The following COL6A3 variants were observed in gnomAD, a reference collection of about 807,000 sequenced individuals.
The protein encoded by COL6A3 is collagen alpha-3(VI) chain.
In COL6A3, 137 loss-of-function variants were observed where a neutral mutation model predicts 274.1. That is an observed-to-expected ratio of 0.50 (90% CI 0.44 to 0.58). The LOEUF (loss-of-function observed/expected upper bound fraction) is 0.58. COL6A3 is among the 20% of genes least tolerant of loss of function. The pLI is 0.00. For missense variants in COL6A3, 3,950 were observed against 4,124.9 expected (o/e 0.96, Z 1.16); for synonymous variants, 1,650 against 1,650.6 (o/e 1.00, Z 0.01).
At position 237,395,014 on chromosome 2, in the gene COL6A3, A is replaced by C. The variant is rs2106388545; in HGVS notation, c.282T>G (p.Asn94Lys). The change falls in exon 3 of 44, where the codon AAT becomes AAG. Residue 94 changes from asparagine to lysine, a missense_variant. Coordinates refer to ENST00000295550, the MANE Select transcript of COL6A3 (RefSeq NM_004369.4). ...NGNPHTEFLL[N>K]TYRTKQEVLS... Reference sequence around the variant, plus strand: ...GGACTTCTTGTTTAGTACGATACGTATTTAACAGGAACTCGGTATGTGGGT... The same window carrying C: ...GGACTTCTTGTTTAGTACGATACGTCTTTAACAGGAACTCGGTATGTGGGT... The C allele has an allele frequency of 6.2e-7, 1 of 1,614,190 alleles. No individual in the cohort carries two copies. The highest frequency in any genetic ancestry group is 2.2e-5 in the East Asian group (1 of 44,884).
chr2:237,369,058 C>T lies in COL6A3; in HGVS notation c.4405G>A (p.Gly1469Ser), dbSNP rs771199614. 4 of 1,614,150 alleles carry T rather than the reference C, an allele frequency of 2.5e-6. No homozygotes were observed. The highest frequency in any genetic ancestry group is 2.5e-6 in the Non-Finnish European group (3 of 1,180,022). Residue 1469 changes from glycine (G) to serine (S), a missense_variant, in exon 10 of 44, where the codon GGC becomes AGC. Coordinates refer to ENST00000295550, the MANE Select transcript of COL6A3 (RefSeq NM_004369.4). ...VSRIVRRLNI[G>S]PSKVRVGVVQ... is the part of the protein sequence containing the mutation. ...ACCCCAACTCTCACTTTACTGGGGCCGATGTTGAGTCTTCGAACAATCCTG... is the reference window on the plus strand; with the variant it reads ...ACCCCAACTCTCACTTTACTGGGGCTGATGTTGAGTCTTCGAACAATCCTG...
chr2:237,409,830 C>T (rs950078698), intron 1 of COL6A3, among the ~76,000 whole-genome samples: 10 of 152,120 alleles, frequency 6.6e-5, no homozygotes, highest in Admixed American at 6.5e-4. Context: ...ATATGCAAAC[C>T]TACTTTGGTT....
At position 237,371,942 on chromosome 2, in the gene COL6A3, G is replaced by T. The variant is rs2077700902; in HGVS notation, c.4075C>A (p.Leu1359Ile). The change falls in exon 9 of 44, where the codon CTC becomes ATC. Residue 1359 changes from leucine to isoleucine, a missense_variant. Leu to Ile is a conservative substitution (Grantham distance 5, BLOSUM62 2). This residue lies in a region of COL6A3 where 1,934 missense variants were observed against 1,984.3 expected (regional missense o/e 0.97). Coordinates refer to ENST00000295550, the MANE Select transcript of COL6A3 (RefSeq NM_004369.4). This position sits in a 1 kb window ranked among gnomAD's most constrained non-coding sequence, Gnocchi z 4.3. ...DDEVDDPAVE[L>I]KQFGVAPFTI... ...AAAGGGGCCACGCCAAACTGCTTGA[G>T]CTCCACCGCCGGGTCGTCCACCTCA... 4.3e-6 allele frequency: 7 copies of T among 1,614,056 alleles called. No individual in the cohort carries two copies. The highest frequency in any genetic ancestry group is 5.9e-6 in the Non-Finnish European group (7 of 1,180,030).
At position 237,381,333 on chromosome 2, in the gene COL6A3, C is replaced by T. The variant is rs762089767; in HGVS notation, c.1479G>A (p.Val493=). The change falls in exon 5 of 44, where the codon GTG becomes GTA. Residue 493 remains valine (V), a synonymous_variant. Coordinates refer to ENST00000295550, the MANE Select transcript of COL6A3 (RefSeq NM_004369.4). The stretch of plus-strand genomic sequence containing the variant: ...GGGTATTGAAATAAAATTCAGGCCT[C>T]ACAGTGTCTGCATACTGGGCCACTG... The part of the protein sequence containing the change: ...QVAVAQYADT[V]RPEFYFNTHP... 1.2e-6 allele frequency: 2 copies of T among 1,614,228 alleles called. No homozygotes were observed. Among genetic ancestry groups the T allele is most frequent in the Admixed American group, 1.7e-5 (1 of 60,032 alleles).
At chr2:237,397,231 A>AGAAGTGAAGGAAGG (rs1449721525) in intron 1 of COL6A3, among the ~76,000 whole-genome samples, 9 of 146,150 alleles carry the variant, frequency 6.2e-5, no homozygotes, top group Non-Finnish European at 1.1e-4. Flanking sequence ...GAAGGAAGGA[A>AGAAGTGAAGGAAGG]GAAGTGAAGG....
chr2:237,395,327 T>A, intron 2 of COL6A3, 123 bp from the exon 3 acceptor site: 1 of 998,512 alleles, frequency 1.0e-6, no homozygotes, highest in Non-Finnish European at 1.5e-6. Context: ...CACACCTCAC[T>A]GATAATACAG....
In COL6A3 at chr2:237,361,247, C is replaced by G. The variant is rs1031923214; in HGVS notation, c.6157-73G>C. 7.9e-6 allele frequency: 11 copies of G among 1,396,814 alleles called. No individual in the cohort carries two copies. The allele number at this position is 1,396,814 out of a possible 1,614,324, so 86.5% of individuals were successfully genotyped here. On this transcript the variant is annotated intron_variant, in intron 15 of 43. Transcript: ENST00000295550. This position sits in a 1 kb window ranked among gnomAD's most constrained non-coding sequence, Gnocchi z 5.1. ...GCTCTACAGTAAGAATCCCTGTGGT[C>G]CCCCTTCATTTGGCAGAGCAGCACT...
rs553226702 is a variant in COL6A3 at position 237,384,297 on chromosome 2, A to T, written c.1313-2798T>A. Reference sequence around the variant, plus strand: ...CCACTTGACATAAATATCAACCCAAACACAGCTGTCTTATCTCTTTAATGT... The same window carrying T: ...CCACTTGACATAAATATCAACCCAATCACAGCTGTCTTATCTCTTTAATGT... On this transcript the variant is annotated intron_variant, in intron 4 of 43. Coordinates refer to ENST00000295550, the MANE Select transcript of COL6A3 (RefSeq NM_004369.4). Among the ~76,000 whole-genome samples, 10 of 152,152 alleles carry T rather than the reference A, an allele frequency of 6.6e-5. No homozygotes were observed. The East Asian group carries it at 1.9e-3, about 29-fold the overall frequency.
rs1445007176 is a variant in COL6A3 at position 237,361,951 on chromosome 2, C to T, written c.6064-120G>A. On this transcript the variant is annotated intron_variant, in intron 14 of 43. Coordinates refer to ENST00000295550, the MANE Select transcript of COL6A3 (RefSeq NM_004369.4). The surrounding 1 kb of genome is among the most constrained non-coding windows in gnomAD (Gnocchi z 5.1). ...GGGTTTCACGGTGTGAGATGAAGTC[C>T]CTCCAGGTGACATTTGCTGGACGAC... 3.4e-6 allele frequency: 3 copies of T among 875,790 alleles called. No individual in the cohort carries two copies. Among genetic ancestry groups the T allele is most frequent in the Admixed American group, 1.9e-5 (1 of 51,642 alleles). The allele number at this position is 875,790 out of a possible 1,614,324, so 54.3% of individuals were successfully genotyped here. A position where few individuals can be genotyped will look rare whatever the true frequency, so the allele number is the denominator to read the frequency against.
intron 17 of COL6A3, among the ~76,000 whole-genome samples, chr2:237,359,792 G>C (rs1440597849): frequency 2.0e-5 from 3 of 152,170 alleles, no homozygotes; most frequent in Non-Finnish European, 4.4e-5. Flanking sequence ...TCCAGGGCCG[G>C]GGCCGTGGGC....
chr2:237,328,402 C>G (rs557026628), intron 42 of COL6A3: 1 of 152,144 alleles, frequency 6.6e-6, no homozygotes, highest in Non-Finnish European at 1.5e-5. Context: ...CGCAAGGCAC[C>G]CTAAGCCCCA....
rs2077679055 is a variant in COL6A3, at chr2:237,371,268, G to A, written c.4285+464C>T. Among the ~76,000 whole-genome samples, 1 of 152,148 alleles carries A rather than the reference G, an allele frequency of 6.6e-6. No homozygotes were observed. Among genetic ancestry groups the A allele is most frequent in the African/African-American group, 2.4e-5 (1 of 41,420 alleles). ...AATAGACCCAACTTGTTCAGTCGCA[G>A]GTGTGTCCTGGTGGGGTCTGGCTGG... On this transcript the variant is annotated intron_variant, in intron 9 of 43. Coordinates refer to ENST00000295550, the MANE Select transcript of COL6A3 (RefSeq NM_004369.4). The surrounding 1 kb of genome is among the most constrained non-coding windows in gnomAD (Gnocchi z 4.3).
intron 14 of COL6A3, among the ~76,000 whole-genome samples, chr2:237,362,544 C>T (rs1419886448): frequency 6.6e-6 from 1 of 152,226 alleles, no homozygotes; most frequent in Non-Finnish European, 1.5e-5. Flanking sequence ...GATTTGTGAG[C>T]TAACTCAACC....
At chr2:237,340,066 C>T (rs2076951712) in intron 38 of COL6A3, among the ~76,000 whole-genome samples, 1 of 152,208 alleles carries the variant, frequency 6.6e-6, no homozygotes, top group African/African-American at 2.4e-5. Flanking sequence ...TTTCTAGAAG[C>T]TTTCCCCGGT....
chr2:237,345,381 A>T (rs1574949945), intron 32 of COL6A3, among the ~76,000 whole-genome samples, 168 bp from the exon 33 acceptor site: 1 of 152,328 alleles, frequency 6.6e-6, no homozygotes, highest in East Asian at 1.9e-4. Flanking sequence ...AAAGCAAAAA[A>T]GAGAAGATTC....
chr2:237,394,451 T>C, intron 3 of COL6A3, 136 bp downstream of exon 3: 1 of 1,089,800 alleles, frequency 9.2e-7, no homozygotes, highest in Non-Finnish European at 1.4e-6. Context: ...AATCAAACCT[T>C]TGTTTTTAAA....
chr2:237,334,567 G>C, intron 41 of COL6A3, 59 bp downstream of exon 41: 1 of 1,561,550 alleles, frequency 6.4e-7, no homozygotes, highest in Non-Finnish European at 8.8e-7. Flanking sequence ...TCTCCTTTGT[G>C]TCCTATTTGA....
rs370246962 is a variant in COL6A3, at chr2:237,388,055, C to A, written c.839G>T (p.Arg280Leu). The A allele has an allele frequency of 1.7e-5, 28 of 1,614,186 alleles. No homozygotes were observed. In the African/African-American group the frequency reaches 3.5e-4, roughly 20 times the overall value. Residue 280 changes from arginine to leucine, a missense_variant, in exon 4 of 44, where the codon CGA (arginine) becomes CTA (leucine). By Grantham distance (102) the Arg-to-Leu change is moderately radical (BLOSUM62 -2). This residue lies in a region of COL6A3 where 1,934 missense variants were observed against 1,984.3 expected (regional missense o/e 0.97). Coordinates refer to ENST00000295550, the MANE Select transcript of COL6A3 (RefSeq NM_004369.4). ...EKLPIGTQQIRVGVVQFSDEP... is the reference protein window; with the variant it reads ...EKLPIGTQQILVGVVQFSDEP... ...ATCGCTAAACTGGACCACCCCCACT[C>A]GGATCTGCTGAGTTCCAATTGGGAG... is the stretch of plus-strand genomic sequence containing the variant.
intron 23 of COL6A3, 129 bp from the exon 24 acceptor site, chr2:237,355,063 C>T (rs980335388): frequency 7.2e-5 from 62 of 864,208 alleles, no homozygotes; most frequent in Middle Eastern, 2.2e-4. Flanking sequence ...GCACCCACAT[C>T]GTGCCAAGAA....
Sources: gnomAD v4.1 joint callset for allele counts (sites outside exome capture counted in the v4.1 genomes callset) on GRCh38, gnomAD v4.1.1 for gene constraint, gnomAD v4.1.1 regional missense constraint, Gnocchi (gnomAD v3.1) non-coding constraint, MANE v1.5 for transcripts, NCBI Gene and HGNC (gene_info 2026-07-23, HGNC 2026-07-21) for gene names.